Variants in NME7 observed in about 807,000 individuals in gnomAD.
NME7 encodes nucleoside diphosphate kinase 7.
NME7 carries 41 observed loss-of-function variants against 49.1 expected under a neutral mutation model. The ratio of observed to expected loss-of-function variants is 0.83; its 90% CI spans 0.65 to 1.08. NME7 has a LOEUF of 1.08. NME7 is among the 50% of genes least tolerant of loss of function. NME7 has a pLI of 0.00. For missense variants in NME7, 423 were observed against 463.4 expected (o/e 0.91, Z 0.80); for synonymous variants, 139 against 150.6 (o/e 0.92, Z 0.56).
intron 1 of NME7, among the ~76,000 whole-genome samples, chr1:169,333,418 C>T (rs1652335043): frequency 6.6e-6 from 1 of 152,078 alleles, no homozygotes; most frequent in South Asian, 2.1e-4. Flanking sequence ...AGTAGGGTGA[C>T]TGTAGCCAAT....
At chr1:169,201,097 G>A (rs533132169) in intron 10 of NME7, among the ~76,000 whole-genome samples, 16 of 151,988 alleles carry the variant, frequency 1.1e-4, no homozygotes, top group Non-Finnish European at 2.1e-4. Context: ...CAGGTGTGGC[G>A]GCACGCACTT....
chr1:169,318,245 C>A (rs953667142), intron 3 of NME7, among the ~76,000 whole-genome samples: 24 of 152,312 alleles, frequency 1.6e-4, no homozygotes, highest in African/African-American at 4.8e-4. Context: ...CACGCTTTCA[C>A]AAGACAGCCT....
intron 1 of NME7, among the ~76,000 whole-genome samples, chr1:169,349,354 T>TG (rs1375708975): frequency 2.0e-5 from 3 of 152,100 alleles, no homozygotes; most frequent in Admixed American, 6.5e-5. Flanking sequence ...CAATCTGGGG[T>TG]GGGGGGGTTA....
In NME7 at chr1:169,268,965, G is replaced by C. The variant is rs144045657; in HGVS notation, c.754+18338C>G. ...AATAGAAGTTAAAATATTTTTAAGAGTTAAATTAAATTTAAAAAATATTTT... is the reference window on the plus strand; with the variant it reads ...AATAGAAGTTAAAATATTTTTAAGACTTAAATTAAATTTAAAAAATATTTT... On this transcript the variant is annotated intron_variant, in intron 7 of 11. Transcript: ENST00000367811. 1.5e-5 allele frequency among the ~76,000 whole-genome samples: 2 copies of C among 133,738 alleles called. 1 individual carries two copies. The highest frequency in any genetic ancestry group is 3.5e-5 in the Non-Finnish European group (2 of 56,858). The allele number at this position is 133,738 out of a possible 152,430, so 87.7% of individuals were successfully genotyped here.
At chr1:169,173,440 T>C (rs1449689103) in intron 10 of NME7, among the ~76,000 whole-genome samples, 1 of 152,102 alleles carries the variant, frequency 6.6e-6, no homozygotes, top group Non-Finnish European at 1.5e-5. Flanking sequence ...TTTTTACTGA[T>C]ATAAAATGTT....
At chr1:169,317,666 C>G (rs949830470) in intron 3 of NME7, among the ~76,000 whole-genome samples, 3 of 152,040 alleles carry the variant, frequency 2.0e-5, no homozygotes, top group Non-Finnish European at 4.4e-5. Flanking sequence ...GAAAGGTTTC[C>G]CAAAGGTGAG....
chr1:169,191,927 G>T (rs1660242599), intron 10 of NME7, among the ~76,000 whole-genome samples: 3 of 152,058 alleles, frequency 2.0e-5, no homozygotes, highest in Non-Finnish European at 4.4e-5. Flanking sequence ...ACATCACATG[G>T]GAGTCTGTCA....
At chr1:169,318,992 G>C (rs941641648) in intron 3 of NME7, among the ~76,000 whole-genome samples, 5 of 151,634 alleles carry the variant, frequency 3.3e-5, no homozygotes, top group African/African-American at 1.2e-4. Flanking sequence ...AAGAACAGAA[G>C]AGGTACATTT....
At chr1:169,232,646 C>T (rs1217116737) in intron 9 of NME7, among the ~76,000 whole-genome samples, 1 of 151,598 alleles carries the variant, frequency 6.6e-6, no homozygotes, top group African/African-American at 2.4e-5. Context: ...AATCTGTATT[C>T]TATACCCAGG....
chr1:169,190,529 T>G, intron 10 of NME7: 1 of 281,656 alleles, frequency 3.6e-6, no homozygotes, highest in Non-Finnish European at 6.9e-6. Flanking sequence ...CTTCTTTTTT[T>G]TTTGGAGGTG....
rs568550094 is a variant in NME7 at position 169,206,528 on chromosome 1, T to C, written c.990+24190A>G. ...GATTCTTATTTGACCTTTGTGTATC[T>C]TCCTTTAGGACTAGGGTTCATAATT... On this transcript the variant is annotated intron_variant, in intron 10 of 11. Coordinates refer to ENST00000367811, the MANE Select transcript of NME7 (RefSeq NM_013330.5). Among the ~76,000 whole-genome samples, 8 of 152,252 alleles carry C rather than the reference T, an allele frequency of 5.3e-5. No individual in the cohort carries two copies. The South Asian group carries it at 1.7e-3, about 32-fold the overall frequency.
intron 10 of NME7, among the ~76,000 whole-genome samples, chr1:169,223,157 T>C (rs185772954): frequency 1.1e-4 from 16 of 152,330 alleles, no homozygotes; most frequent in African/African-American, 3.8e-4. Flanking sequence ...GTCATATTTC[T>C]GTATAATTGA....
At chr1:169,203,777 G>T (rs1446045009) in intron 10 of NME7, among the ~76,000 whole-genome samples, 1 of 152,090 alleles carries the variant, frequency 6.6e-6, no homozygotes, top group African/African-American at 2.4e-5. Flanking sequence ...CCTTAGGGAA[G>T]GCTAATGATG....
At chr1:169,244,894 C>A (rs2012757) in intron 7 of NME7, among the ~76,000 whole-genome samples, 10,634 of 152,056 alleles carry the variant, frequency 0.07, 1,478 homozygotes, top group East Asian at 0.66. Flanking sequence ...TTTGGGAGGA[C>A]AAGGTGGGTG....
At chr1:169,208,541 G>A (rs1660736272) in intron 10 of NME7, among the ~76,000 whole-genome samples, 1 of 152,018 alleles carries the variant, frequency 6.6e-6, no homozygotes, top group Non-Finnish European at 1.5e-5. Context: ...ACTCCCCAGT[G>A]GAAATCTACA....
In NME7 at chr1:169,232,891, T is replaced by C. The variant is rs1038154153; in HGVS notation, c.889-2072A>G. The stretch of plus-strand genomic sequence containing the variant: ...TTAGTTGCTTTATTTTTCTTTTTTT[T>C]CCTTTCTGTTGTTTTCTTTTCTTTT... On this transcript the variant is annotated intron_variant, in intron 9 of 11. Transcript: ENST00000367811. Among the ~76,000 whole-genome samples, 36 of 150,904 alleles carry C rather than the reference T, an allele frequency of 2.4e-4. 1 individual carries two copies. Among genetic ancestry groups the C allele is most frequent in the Non-Finnish European group, 1.5e-5 (1 of 67,752 alleles).
chr1:169,158,636 T>C (rs988694435), intron 11 of NME7, among the ~76,000 whole-genome samples: 9 of 152,156 alleles, frequency 5.9e-5, no homozygotes, highest in African/African-American at 2.2e-4. Context: ...GTGATTTTAA[T>C]GCATGCCATT....
intron 10 of NME7, among the ~76,000 whole-genome samples, chr1:169,177,986 G>A (rs1309571906): frequency 5.9e-5 from 9 of 152,022 alleles, no homozygotes; most frequent in African/African-American, 2.2e-4. Context: ...ACAGGCGCCC[G>A]CCACCACACC....
At position 169,298,570 on chromosome 1, in the gene NME7, C is replaced by T; in HGVS notation, c.634G>A (p.Ala212Thr). ...AAACACCTTACTCTGGCCGCAGAAGCAAAAGAATCAGGGCCATGCGCTGCA... is the reference window on the plus strand; with the variant it reads ...AAACACCTTACTCTGGCCGCAGAAGTAAAAGAATCAGGGCCATGCGCTGCA... ...RNAAHGPDSF[A>T]SAAREMELFF... The change falls in exon 6 of 12, where the codon GCT becomes ACT. Residue 212 changes from alanine to threonine, a missense_variant. Physicochemically the swap from Ala to Thr is moderately conservative, Grantham distance 58. Coordinates refer to ENST00000367811, the MANE Select transcript of NME7 (RefSeq NM_013330.5). The T allele has an allele frequency of 6.2e-7, 1 of 1,613,680 alleles. No individual in the cohort carries two copies.
Sources: allele counts gnomAD v4.1 joint callset (sites outside exome capture counted in the v4.1 genomes callset), GRCh38; gene constraint gnomAD v4.1.1; transcripts MANE v1.5; gene names NCBI Gene and HGNC (gene_info 2026-07-23, HGNC 2026-07-21).